IGFBP7: variants seen among roughly 807,000 people sequenced by gnomAD.
IGFBP7 encodes insulin-like growth factor-binding protein 7.
IGFBP7 carries 31 observed loss-of-function variants against 29.4 expected under a neutral mutation model. That is an observed-to-expected ratio of 1.05 (90% CI 0.79 to 1.42). The LOEUF (loss-of-function observed/expected upper bound fraction) is 1.42. Ranked by LOEUF, IGFBP7 falls within the 40% of genes most tolerant of loss-of-function variation. The pLI is 0.00. For missense variants in IGFBP7, 393 were observed against 395.5 expected (o/e 0.99, Z 0.05); for synonymous variants, 172 against 174.9 (o/e 0.98, Z 0.13).
chr4:57,106,998 C>T (rs1400032433), intron 1 of IGFBP7, among the ~76,000 whole-genome samples: 1 of 152,102 alleles, frequency 6.6e-6, no homozygotes, highest in East Asian at 1.9e-4. Context: ...TCAAGCAGAT[C>T]GCTTTGCCTC....
At chr4:57,035,178 C>T (rs994041073) in intron 2 of IGFBP7, among the ~76,000 whole-genome samples, 2 of 152,170 alleles carry the variant, frequency 1.3e-5, no homozygotes, top group Non-Finnish European at 2.9e-5. Flanking sequence ...CTCTTAGTAA[C>T]AGCATTTTAT....
intron 1 of IGFBP7, among the ~76,000 whole-genome samples, chr4:57,086,026 G>C (rs576200902): frequency 1.2e-4 from 19 of 152,314 alleles, no homozygotes; most frequent in Admixed American, 1.2e-3. Flanking sequence ...ACATACCTGA[G>C]ACTGGGTAAT....
At chr4:57,109,584 G>C (rs1177299269) in intron 1 of IGFBP7, among the ~76,000 whole-genome samples, 1 of 152,188 alleles carries the variant, frequency 6.6e-6, no homozygotes, top group Non-Finnish European at 1.5e-5. Flanking sequence ...CTTTGGGCAT[G>C]GGGAAGTCTG....
intron 1 of IGFBP7, among the ~76,000 whole-genome samples, chr4:57,047,623 AT>A (rs1353968903): frequency 9.9e-5 from 15 of 152,274 alleles, no homozygotes; most frequent in Admixed American, 8.5e-4. Context: ...CAAATAAAAA[AT>A]AAACATTAAA....
intron 1 of IGFBP7, among the ~76,000 whole-genome samples, chr4:57,057,953 C>A (rs945029973): frequency 1.3e-5 from 2 of 152,130 alleles, no homozygotes; most frequent in Non-Finnish European, 2.9e-5. Context: ...AAGAACAAGA[C>A]TCTTGGGATA....
chr4:57,066,697 G>C (rs1346905660), intron 1 of IGFBP7, among the ~76,000 whole-genome samples: 1 of 151,814 alleles, frequency 6.6e-6, no homozygotes, highest in African/African-American at 2.4e-5. Flanking sequence ...CCAAGTAGCT[G>C]AGATTACAGG....
At chr4:57,050,131 A>G (rs757683842) in intron 1 of IGFBP7, among the ~76,000 whole-genome samples, 12 of 152,042 alleles carry the variant, frequency 7.9e-5, no homozygotes, top group Non-Finnish European at 7.4e-5. Context: ...TCCCACCGAG[A>G]TGGGTAGGTC....
intron 1 of IGFBP7, among the ~76,000 whole-genome samples, chr4:57,085,734 G>A (rs1407118223): frequency 6.6e-6 from 1 of 151,924 alleles, no homozygotes; most frequent in Non-Finnish European, 1.5e-5. Context: ...ATGTAAAATT[G>A]GTTTTCCACA....
intron 1 of IGFBP7, among the ~76,000 whole-genome samples, chr4:57,048,074 C>T (rs555316451): frequency 3.3e-4 from 47 of 141,810 alleles, no homozygotes; most frequent in Admixed American, 1.7e-3. Context: ...TTTTTTGAGA[C>T]GGAGTCTTGC....
chr4:57,088,168 G>T (rs1365950227), intron 1 of IGFBP7, among the ~76,000 whole-genome samples: 1 of 151,832 alleles, frequency 6.6e-6, no homozygotes, highest in African/African-American at 2.4e-5. Context: ...TGGAGACAGG[G>T]TCTCACTATG....
chr4:57,106,561 T>C (rs1241781925), intron 1 of IGFBP7, among the ~76,000 whole-genome samples: 1 of 152,096 alleles, frequency 6.6e-6, no homozygotes, highest in Non-Finnish European at 1.5e-5. Context: ...TGGAGTTATA[T>C]TGTGAAGGGC....
intron 1 of IGFBP7, among the ~76,000 whole-genome samples, chr4:57,080,914 A>AG (rs1369036345): frequency 6.6e-6 from 1 of 152,194 alleles, no homozygotes; most frequent in Non-Finnish European, 1.5e-5. Context: ...TCCACTGCCA[A>AG]GGGGATATCT....
intron 1 of IGFBP7, among the ~76,000 whole-genome samples, chr4:57,058,858 G>T (rs908618633): frequency 6.6e-6 from 1 of 152,126 alleles, no homozygotes; most frequent in Admixed American, 6.5e-5. Flanking sequence ...ATCTGACAAA[G>T]GTCTAATATC....
In IGFBP7 at chr4:57,033,319, A is replaced by T. The variant is rs375030726; in HGVS notation, c.586-8T>A. 9.5e-6 allele frequency: 15 copies of T among 1,582,454 alleles called. No homozygotes were observed. In the African/African-American group the frequency reaches 1.7e-4, roughly 18 times the overall value. On this transcript the variant is annotated splice_polypyrimidine_tract_variant and splice_region_variant and intron_variant, in intron 2 of 4. Coordinates refer to ENST00000295666, the MANE Select transcript of IGFBP7 (RefSeq NM_001553.3). ...ATAGTGACCCCTTTTTACCTGCAAA[A>T]ACAAAAGGAGAGTAATACTGAGTTT...
intron 1 of IGFBP7, among the ~76,000 whole-genome samples, chr4:57,093,073 C>A (rs544783932): frequency 1.3e-5 from 2 of 152,152 alleles, no homozygotes; most frequent in Non-Finnish European, 2.9e-5. Flanking sequence ...ATGAATTCTA[C>A]AAATTTCCAC....
At chr4:57,044,260 G>A (rs889418750) in intron 1 of IGFBP7, among the ~76,000 whole-genome samples, 4 of 152,202 alleles carry the variant, frequency 2.6e-5, no homozygotes, top group African/African-American at 9.7e-5. Context: ...ATTCTGGAGT[G>A]CTAATGGGCA....
intron 1 of IGFBP7, among the ~76,000 whole-genome samples, chr4:57,084,930 AC>A (rs1351520597): frequency 1.1e-4 from 16 of 151,132 alleles, no homozygotes; most frequent in African/African-American, 3.4e-4. Flanking sequence ...AGCTGGAACT[AC>A]AGGTGTGTGA....
At chr4:57,061,959 A>G (rs1724810362) in intron 1 of IGFBP7, among the ~76,000 whole-genome samples, 1 of 152,162 alleles carries the variant, frequency 6.6e-6, no homozygotes, top group Admixed American at 6.5e-5. Context: ...CACAGCACCT[A>G]GCCTCACAGC....
intron 1 of IGFBP7, among the ~76,000 whole-genome samples, chr4:57,048,759 C>T (rs1389361447): frequency 6.6e-6 from 1 of 152,128 alleles, no homozygotes; most frequent in Non-Finnish European, 1.5e-5. Flanking sequence ...ACTCCCCAGC[C>T]ATGACCTGAG....
Sources: allele counts gnomAD v4.1 joint callset (sites outside exome capture counted in the v4.1 genomes callset), GRCh38; gene constraint gnomAD v4.1.1; transcripts MANE v1.5; gene names NCBI Gene and HGNC (gene_info 2026-07-23, HGNC 2026-07-21).